Variants in APBB1 observed in about 807,000 individuals in gnomAD.
The protein encoded by APBB1 is amyloid beta precursor protein binding family B member 1.
APBB1 carries 22 observed loss-of-function variants against 78.4 expected under a neutral mutation model. The ratio of observed to expected loss-of-function variants is 0.28; its 90% CI spans 0.20 to 0.40. The LOEUF (loss-of-function observed/expected upper bound fraction) is 0.40. APBB1 is among the 10% of genes least tolerant of loss of function. The probability of loss-of-function intolerance (pLI) is 1.00; values close to 1 mark genes in which losing one functional copy is unlikely to be tolerated. For synonymous variants in APBB1, 369 were observed against 372.7 expected, an observed-to-expected ratio of 0.99 and a Z score of 0.12; for missense variants, 749 against 932.4, an observed-to-expected ratio of 0.80 and a Z score of 2.56.
intron 2 of APBB1, among the ~76,000 whole-genome samples, chr11:6,408,685 G>T (rs1281985439): frequency 6.6e-6 from 1 of 152,074 alleles, no homozygotes; most frequent in East Asian, 1.9e-4. Flanking sequence ...TGTATTTTTA[G>T]TAGAGACAAG....
At chr11:6,407,023 T>C (rs914549104) in intron 2 of APBB1, among the ~76,000 whole-genome samples, 3 of 152,248 alleles carry the variant, frequency 2.0e-5, no homozygotes, top group African/African-American at 7.2e-5. Context: ...CATTCATCAT[T>C]CATTTAATTC....
intron 1 of APBB1, among the ~76,000 whole-genome samples, chr11:6,416,649 A>G (rs1421503513): frequency 6.6e-6 from 1 of 152,096 alleles, no homozygotes; most frequent in East Asian, 1.9e-4. Context: ...ATCCATCTCT[A>G]GGTACTGATG....
chr11:6,410,393 T>G (rs1195185206), intron 2 of APBB1, among the ~76,000 whole-genome samples: 2 of 152,208 alleles, frequency 1.3e-5, no homozygotes, highest in East Asian at 1.9e-4. Context: ...ACTAGTCCAC[T>G]TATCAACCAT....
rs1306123211 is a variant in APBB1, at chr11:6,402,215, G to C, written c.1255-6C>G. On this transcript the variant is annotated splice_region_variant and splice_polypyrimidine_tract_variant and intron_variant, in intron 7 of 14. Coordinates refer to ENST00000609360, the MANE Select transcript of APBB1 (RefSeq NM_001164.5). The stretch of plus-strand genomic sequence containing the variant: ...TGCAGTAGCAGATCCTTTCCCTGCA[G>C]GACCAGAAGCAGGCACTCAGTGGGA... The C allele has an allele frequency of 1.9e-6, 3 of 1,613,212 alleles. No individual in the cohort carries two copies. Among genetic ancestry groups the C allele is most frequent in the Non-Finnish European group, 2.5e-6 (3 of 1,179,988 alleles).
At chr11:6,412,443 G>A (rs965845451) in intron 1 of APBB1, among the ~76,000 whole-genome samples, 4 of 152,158 alleles carry the variant, frequency 2.6e-5, no homozygotes, top group Middle Eastern at 3.2e-3. Flanking sequence ...GAGCCACTGC[G>A]TCCGGCCCAG....
chr11:6,419,033 G>A lies in APBB1; in HGVS notation c.-63C>T, dbSNP rs1195396411. ...AGATGACGGAGGTGGCTCAGGCTGCGGGGTTCGGGCTCCGCCGCGGCTTCT... is the reference window on the plus strand; with the variant it reads ...AGATGACGGAGGTGGCTCAGGCTGCAGGGTTCGGGCTCCGCCGCGGCTTCT... On this transcript the variant is annotated 5_prime_UTR_variant, in exon 1 of 15. Coordinates refer to ENST00000609360, the MANE Select transcript of APBB1 (RefSeq NM_001164.5). 2.5e-6 allele frequency: 1 copy of A among 393,478 alleles called. No homozygotes were observed. The allele number at this position is 393,478 out of a possible 1,614,324, so 24.4% of individuals were successfully genotyped here.
At chr11:6,406,354 C>T (rs893308751) in intron 2 of APBB1, among the ~76,000 whole-genome samples, 3 of 152,134 alleles carry the variant, frequency 2.0e-5, no homozygotes, top group Admixed American at 6.5e-5. Flanking sequence ...CTTTCCCCTT[C>T]TCTCCACCCC....
intron 2 of APBB1, chr11:6,404,548 C>T: frequency 2.6e-6 from 4 of 1,527,664 alleles, no homozygotes; most frequent in Non-Finnish European, 3.5e-6. Context: ...CAGACGCTCA[C>T]TTCCTGACCC....
intron 2 of APBB1, chr11:6,404,460 TGG>T (rs1231676897): frequency 2.3e-5 from 22 of 955,012 alleles, no homozygotes; most frequent in Non-Finnish European, 3.3e-5. Flanking sequence ...AACACACGTG[TGG>T]GTACCACACA....
At chr11:6,414,594 G>A (rs938957200) in intron 1 of APBB1, among the ~76,000 whole-genome samples, 2 of 152,206 alleles carry the variant, frequency 1.3e-5, no homozygotes, top group Admixed American at 6.5e-5. Context: ...AATGGGCTGG[G>A]GAGGAGCAAA....
chr11:6,404,669 C>A, intron 2 of APBB1: 1 of 1,536,238 alleles, frequency 6.5e-7, no homozygotes, highest in Non-Finnish European at 8.7e-7. Flanking sequence ...CCCTGTAACC[C>A]GCTCATGCGT....
Position 6,410,868 on chromosome 11 carries a change from C to T in APBB1, c.480G>A (p.Glu160=). 3 of 1,614,060 alleles carry T rather than the reference C, an allele frequency of 1.9e-6. No individual in the cohort carries two copies. The highest frequency in any genetic ancestry group is 2.5e-6 in the Non-Finnish European group (3 of 1,179,992). Residue 160 remains glutamate, a synonymous_variant, in exon 2 of 15, where the codon GAG becomes GAA. Coordinates refer to ENST00000609360, the MANE Select transcript of APBB1 (RefSeq NM_001164.5). ...CCTCTTCATCATCATCATCCTCCTC[C>T]TCCTCCTCGGCCTCCCCGGCCGCCT... The part of the protein sequence containing the change: ...EEKAAGEAEE[E]EEDDDDEEEE...
chr11:6,400,938 A>G, intron 12 of APBB1, 51 bp downstream of exon 12: 1 of 1,538,668 alleles, frequency 6.5e-7, no homozygotes, highest in Non-Finnish European at 9.0e-7. Flanking sequence ...GGGTAGGGGC[A>G]GAGTTTTAGG....
Position 6,410,951 on chromosome 11 carries a change from G to A in APBB1, c.397C>T (p.Arg133Ter), listed in dbSNP as rs1848947147. 1.2e-6 allele frequency: 2 copies of A among 1,614,020 alleles called. No homozygotes were observed. Among genetic ancestry groups the A allele is most frequent in the Non-Finnish European group, 1.7e-6 (2 of 1,180,040 alleles). The change falls in exon 2 of 15, where the codon CGA (arginine) becomes TGA (stop). Residue 133 changes from arginine (R) to a stop codon, truncating the protein, a stop_gained. Coordinates refer to ENST00000609360, the MANE Select transcript of APBB1 (RefSeq NM_001164.5). LOFTEE classifies it high-confidence loss of function. ...GTGCTGATGATCAGGCCAGGTCCTCGTAGGCCTCGGTTGGCTGCGTTGTGA... is the reference window on the plus strand; with the variant it reads ...GTGCTGATGATCAGGCCAGGTCCTCATAGGCCTCGGTTGGCTGCGTTGTGA... ...SAHNAANRGL[R>*]GPGLIISTQE...
intron 1 of APBB1, among the ~76,000 whole-genome samples, chr11:6,415,026 G>A (rs1849085123): frequency 4.6e-5 from 7 of 152,198 alleles, no homozygotes; most frequent in Admixed American, 4.6e-4. Context: ...GAGGAAGAAT[G>A]GTGAAACTGT....
Position 6,402,133 on chromosome 11 carries a change from G to C in APBB1, c.1331C>G (p.Ala444Gly), listed in dbSNP as rs201574597. ...VEPQSQALLH[A>G]QPIISIRVWG... is the part of the protein sequence containing the mutation. ...CACGCGGATGCTGATGATGGGTTGG[G>C]CGTGCAGCAGTGCCTGGCTCTGTGG... is the stretch of plus-strand genomic sequence containing the variant. Residue 444 changes from alanine to glycine, a missense_variant, in exon 8 of 15, where the codon GCC becomes GGC. Ala to Gly is a moderately conservative substitution (Grantham distance 60). This residue lies in a region of APBB1 where 635 missense variants were observed against 765.0 expected (regional missense o/e 0.83). Coordinates refer to ENST00000609360, the MANE Select transcript of APBB1 (RefSeq NM_001164.5). The C allele has an allele frequency of 7.9e-5, 127 of 1,613,990 alleles. No individual in the cohort carries two copies. Among genetic ancestry groups the C allele is most frequent in the Non-Finnish European group, 1.0e-4 (119 of 1,180,022 alleles).
chr11:6,412,506 A>C (rs1169977740), intron 1 of APBB1, among the ~76,000 whole-genome samples: 1 of 152,012 alleles, frequency 6.6e-6, no homozygotes, highest in Non-Finnish European at 1.5e-5. Context: ...TTCCCTGAAC[A>C]CCCATTTTAA....
At chr11:6,416,214 C>A (rs1210330847) in intron 1 of APBB1, among the ~76,000 whole-genome samples, 1 of 152,214 alleles carries the variant, frequency 6.6e-6, no homozygotes, top group Non-Finnish European at 1.5e-5. Flanking sequence ...CTCATCTCAT[C>A]TTTTACACTT....
intron 1 of APBB1, among the ~76,000 whole-genome samples, chr11:6,412,731 TTAA>T (rs1849003461): frequency 6.6e-6 from 1 of 152,160 alleles, no homozygotes; most frequent in Non-Finnish European, 1.5e-5. Context: ...AGGAACTCCA[TTAA>T]TATTTGCTGA....
Sources: allele counts gnomAD v4.1 joint callset (sites outside exome capture counted in the v4.1 genomes callset), GRCh38; gene constraint gnomAD v4.1.1; regional missense constraint gnomAD v4.1.1; transcripts MANE v1.5; gene names NCBI Gene and HGNC (gene_info 2026-07-23, HGNC 2026-07-21).